Variants in CDH12 observed in about 807,000 individuals in gnomAD.
The protein encoded by CDH12 is cadherin 12, also known as cadherin-12.
In CDH12, 41 loss-of-function variants were observed where a neutral mutation model predicts 74.1. That is an observed-to-expected ratio of 0.55 (90% confidence interval 0.43 to 0.72). The LOEUF (loss-of-function observed/expected upper bound fraction) is 0.72, where lower values mean the gene tolerates loss of function less well. Among genes scored for constraint, CDH12 ranks in the 30% least tolerant of loss-of-function variants. The pLI is 0.00. For missense variants in CDH12, 945 were observed against 977.2 expected, an observed-to-expected ratio of 0.97 and a Z score of 0.44; for synonymous variants, 399 against 355.0, an observed-to-expected ratio of 1.12 and a Z score of -1.39.
chr5:22,441,832 T>G (rs115175085), intron 2 of CDH12, among the ~76,000 whole-genome samples: 1 of 152,096 alleles, frequency 6.6e-6, no homozygotes. Flanking sequence ...GCCTCTCAAG[T>G]AGCTGGGATT....
chr5:22,245,399 G>A (rs1752910673), intron 3 of CDH12, among the ~76,000 whole-genome samples: 2 of 152,046 alleles, frequency 1.3e-5, no homozygotes, highest in African/African-American at 4.8e-5. Context: ...ACAACAGGAG[G>A]AGGAACAATA....
At chr5:21,812,275 T>C (rs1340551891) in intron 9 of CDH12, among the ~76,000 whole-genome samples, 4 of 152,082 alleles carry the variant, frequency 2.6e-5, no homozygotes, top group Non-Finnish European at 4.4e-5. Context: ...ATGTAGAATA[T>C]ATATTTGGGA....
At chr5:22,636,232 T>C (rs906989447) in intron 1 of CDH12, among the ~76,000 whole-genome samples, 3 of 152,060 alleles carry the variant, frequency 2.0e-5, no homozygotes, top group African/African-American at 7.2e-5. Context: ...TAAAATAATG[T>C]AGTTGTTTTG....
chr5:22,083,086 T>C (rs185428580), intron 4 of CDH12, among the ~76,000 whole-genome samples: 4 of 152,336 alleles, frequency 2.6e-5, no homozygotes, highest in Admixed American at 2.6e-4. Flanking sequence ...CTTTTTTCTC[T>C]ATGAGCTCTG....
At chr5:22,242,050 T>A (rs1421420836) in intron 3 of CDH12, among the ~76,000 whole-genome samples, 1 of 152,112 alleles carries the variant, frequency 6.6e-6, no homozygotes, top group Non-Finnish European at 1.5e-5. Context: ...TCTAAACTGT[T>A]AATAATCTAT....
chr5:22,617,568 T>G (rs35065185), intron 1 of CDH12, among the ~76,000 whole-genome samples: 22,437 of 152,124 alleles, frequency 0.15, 2,156 homozygotes, highest in Admixed American at 0.33. Context: ...AAATTTCAAA[T>G]TTGTGCCTAT....
At chr5:22,491,602 C>A in intron 2 of CDH12, among the ~76,000 whole-genome samples, 1 of 77,098 alleles carries the variant, frequency 1.3e-5, no homozygotes, top group Non-Finnish European at 2.4e-5. Context: ...GTAAGGACAG[C>A]TAATGAGCAA....
At chr5:22,427,020 T>C (rs1322082990) in intron 2 of CDH12, among the ~76,000 whole-genome samples, 2 of 152,120 alleles carry the variant, frequency 1.3e-5, no homozygotes, top group Non-Finnish European at 2.9e-5. Flanking sequence ...TCTTTTCTCT[T>C]CCCCTCTTTC....
intron 4 of CDH12, chr5:22,142,419 G>A: frequency 1.8e-6 from 1 of 561,218 alleles, no homozygotes; most frequent in Admixed American, 2.1e-5. Context: ...TTAAATCATG[G>A]TCTGTCACTG....
intron 1 of CDH12, among the ~76,000 whole-genome samples, chr5:22,805,108 C>T (rs899679748): frequency 6.6e-6 from 1 of 152,068 alleles, no homozygotes; most frequent in Middle Eastern, 3.4e-3. Flanking sequence ...TGAAAATGTG[C>T]AAATCCATGA....
At chr5:22,312,576 G>GACA (rs374367210) in intron 3 of CDH12, among the ~76,000 whole-genome samples, 1 of 152,126 alleles carries the variant, frequency 6.6e-6, no homozygotes, top group African/African-American at 2.4e-5. Context: ...ATTCCAAACT[G>GACA]ATAATAATAA....
intron 2 of CDH12, among the ~76,000 whole-genome samples, chr5:22,412,383 G>T (rs1357943578): frequency 2.0e-5 from 3 of 151,760 alleles, no homozygotes; most frequent in Non-Finnish European, 2.9e-5. Flanking sequence ...TATTTTATAG[G>T]ACCACACACC....
At chr5:22,377,508 C>T (rs1359988981) in intron 3 of CDH12, among the ~76,000 whole-genome samples, 3 of 152,048 alleles carry the variant, frequency 2.0e-5, no homozygotes, top group Admixed American at 6.6e-5. Flanking sequence ...GAGAGCAAGG[C>T]GACAACCATA....
intron 1 of CDH12, among the ~76,000 whole-genome samples, chr5:22,809,007 C>T (rs1027349169): frequency 5.9e-5 from 9 of 151,386 alleles, no homozygotes; most frequent in African/African-American, 1.9e-4. Flanking sequence ...AAGCAAGTAG[C>T]TGTATTTTGA....
chr5:21,939,009 T>C (rs1755206541), intron 6 of CDH12, among the ~76,000 whole-genome samples: 1 of 150,914 alleles, frequency 6.6e-6, no homozygotes. Flanking sequence ...ACAGTATTTA[T>C]AATAATGAAA....
intron 2 of CDH12, among the ~76,000 whole-genome samples, chr5:22,442,570 T>G (rs554345693): frequency 1.3e-5 from 2 of 152,212 alleles, no homozygotes; most frequent in Non-Finnish European, 2.9e-5. Flanking sequence ...GCAACTTATA[T>G]TCATGTCACA....
chr5:22,743,707 A>G (rs1745150089), intron 1 of CDH12, among the ~76,000 whole-genome samples: 1 of 152,208 alleles, frequency 6.6e-6, no homozygotes, highest in Non-Finnish European at 1.5e-5. Context: ...AACTTATTAA[A>G]GACAGAAAGA....
chr5:22,035,014 G>GA (rs577443834), intron 5 of CDH12, among the ~76,000 whole-genome samples: 5 of 152,046 alleles, frequency 3.3e-5, no homozygotes, highest in African/African-American at 1.2e-4. Flanking sequence ...AAATAACATT[G>GA]AAAAAATGAC....
At chr5:22,098,677 G>T (rs999536689) in intron 4 of CDH12, among the ~76,000 whole-genome samples, 4 of 152,010 alleles carry the variant, frequency 2.6e-5, no homozygotes, top group African/African-American at 9.7e-5. Flanking sequence ...AATTGTTCCT[G>T]GCCCGGACTT....
Sources: gnomAD v4.1 joint callset for allele counts (sites outside exome capture counted in the v4.1 genomes callset) on GRCh38, gnomAD v4.1.1 for gene constraint, MANE v1.5 for transcripts, NCBI Gene and HGNC (gene_info 2026-07-23, HGNC 2026-07-21) for gene names.